TECPR1: variants seen among roughly 807,000 people sequenced by gnomAD.
TECPR1 encodes tectonin beta-propeller repeat-containing protein 1.
Under a neutral mutation model 162.4 loss-of-function variants are expected in TECPR1, and 122 were observed. The observed-to-expected ratio is 0.75, with a 90% CI of 0.65 to 0.87. TECPR1 has a LOEUF of 0.87. Ranked by LOEUF, TECPR1 falls within the 40% of genes least tolerant of loss-of-function variation. The pLI is 0.00. For synonymous variants in TECPR1, 642 were observed against 670.6 expected (o/e 0.96, Z 0.66); for missense variants, 1,432 against 1,618.2 (o/e 0.88, Z 1.97).
At chr7:98,238,466 C>G (rs1798655379) in intron 9 of TECPR1, 43 bp downstream of exon 9, 1 of 1,510,204 alleles carries the variant, frequency 6.6e-7, no homozygotes, top group Non-Finnish European at 9.0e-7. Flanking sequence ...AGCCCCCATT[C>G]TGAGACCCCT....
intron 7 of TECPR1, 33 bp from the exon 8 acceptor site, chr7:98,240,984 C>A (rs778425700): frequency 8.8e-6 from 14 of 1,590,822 alleles, no homozygotes; most frequent in Middle Eastern, 1.7e-4. Context: ...CCAGTGGCCC[C>A]CATCAGCCTG....
intron 2 of TECPR1, among the ~76,000 whole-genome samples, chr7:98,246,670 A>G (rs758987306): frequency 6.6e-5 from 10 of 150,754 alleles, no homozygotes; most frequent in Non-Finnish European, 1.3e-4. Flanking sequence ...GCTCACTGCA[A>G]CCTCCACCTC....
rs755286321 is a variant in TECPR1, at chr7:98,240,944, G to A, written c.840C>T (p.Ser280=). 1 of 1,606,566 alleles carries A rather than the reference G, an allele frequency of 6.2e-7. No individual in the cohort carries two copies. The highest frequency in any genetic ancestry group is 8.5e-7 in the Non-Finnish European group (1 of 1,177,706). ...GINRSNPKGS[S]WSIVEPPGSE... ...ATCCAGGAGGCTCCACGATGGACCA[G>A]GAACTTCCTACCGGGCCCCCAAGAA... is the stretch of plus-strand genomic sequence containing the variant. Residue 280 remains serine (S), a synonymous_variant, in exon 8 of 26, where the codon TCC becomes TCT. Coordinates refer to ENST00000447648, the MANE Select transcript of TECPR1 (RefSeq NM_015395.3).
At chr7:98,235,327 C>A (rs1432584384) in intron 10 of TECPR1, among the ~76,000 whole-genome samples, 1 of 152,038 alleles carries the variant, frequency 6.6e-6, no homozygotes, top group Non-Finnish European at 1.5e-5. Flanking sequence ...AGATCGAGAC[C>A]ATCCTGGCTA....
At chr7:98,243,658 T>C in intron 5 of TECPR1, 66 bp from the exon 6 acceptor site, 1 of 1,542,404 alleles carries the variant, frequency 6.5e-7, no homozygotes, top group Non-Finnish European at 8.8e-7. Context: ...TGCACCCACC[T>C]CCCGCCCGCC....
At position 98,241,181 on chromosome 7, in the gene TECPR1, T is replaced by G; in HGVS notation, c.721A>C (p.Thr241Pro). The change falls in exon 7 of 26, where the codon ACC becomes CCC. Residue 241 changes from threonine (T) to proline (P), a missense_variant. Physicochemically the swap from Thr to Pro is conservative, Grantham distance 38 (BLOSUM62 -1). Transcript: ENST00000447648. This position sits in a 1 kb window ranked among gnomAD's most constrained non-coding sequence, Gnocchi z 5.0. ...CTGATCTGAACCACCTCCCCGGGGG[T>G]GTCCAGCAGGGACCAGGAGGACCCT... Reference protein sequence around the residue: ...PEGSSWSLLDTPGEVVQISCG... With the variant: ...PEGSSWSLLDPPGEVVQISCG... The G allele has an allele frequency of 6.2e-7, 1 of 1,612,432 alleles. No individual in the cohort carries two copies. Among genetic ancestry groups the G allele is most frequent in the South Asian group, 1.1e-5 (1 of 91,064 alleles).
chr7:98,245,944 C>T lies in TECPR1; in HGVS notation c.203G>A (p.Arg68Gln), dbSNP rs200989334. Residue 68 changes from arginine to glutamine, a missense_variant, in exon 3 of 26, where the codon CGA becomes CAA. Transcript: ENST00000447648. ...VCASDVPIRR[R>Q]EEAYENQRWN... ...TACCTGATTCTCATAGGCCTCCTCT[C>T]GGCGGCGGATGGGGACATCGCTGGC... The T allele has an allele frequency of 1.6e-5, 25 of 1,603,120 alleles. No homozygotes were observed. The highest frequency in any genetic ancestry group is 5.1e-5 in the Admixed American group (3 of 58,602).
chr7:98,233,179 G>A, intron 11 of TECPR1: 1 of 782,662 alleles, frequency 1.3e-6, no homozygotes, highest in African/African-American at 1.8e-5. Context: ...CTAGCACAGG[G>A]GAGGGGCTGC....
intron 17 of TECPR1, chr7:98,226,817 C>A: frequency 2.6e-6 from 1 of 388,524 alleles, no homozygotes. Flanking sequence ...CCTGTAATCC[C>A]AACTACTCGG....
rs1797994056 is a variant in TECPR1, at chr7:98,215,845, C to G, written c.*1545G>C. 1 of 152,254 alleles carries G rather than the reference C, an allele frequency of 6.6e-6. No homozygotes were observed. The highest frequency in any genetic ancestry group is 2.4e-5 in the African/African-American group (1 of 41,462). 9.4% of individuals were successfully genotyped at this position (152,254 alleles called of 1,614,324 possible). ...AGCCGGCGGCACTGGGACCCATTTCCAGAAACACTGGAACACCAGGTCTCT... is the reference window on the plus strand; with the variant it reads ...AGCCGGCGGCACTGGGACCCATTTCGAGAAACACTGGAACACCAGGTCTCT... On this transcript the variant is annotated 3_prime_UTR_variant, in exon 26 of 26. Coordinates refer to ENST00000447648, the MANE Select transcript of TECPR1 (RefSeq NM_015395.3).
At chr7:98,245,625 C>T (rs1394787645) in intron 3 of TECPR1, among the ~76,000 whole-genome samples, 2 of 152,150 alleles carry the variant, frequency 1.3e-5, no homozygotes, top group African/African-American at 2.4e-5. Context: ...GTGCACACCA[C>T]CACACCCTGC....
At chr7:98,243,207 C>A (rs886995160) in intron 6 of TECPR1, among the ~76,000 whole-genome samples, 3 of 152,028 alleles carry the variant, frequency 2.0e-5, no homozygotes, top group African/African-American at 4.8e-5. Flanking sequence ...ACACACCCAC[C>A]CCCACACTAT....
At chr7:98,234,118 A>G (rs1193805140) in intron 10 of TECPR1, among the ~76,000 whole-genome samples, 3 of 152,214 alleles carry the variant, frequency 2.0e-5, no homozygotes, top group Non-Finnish European at 4.4e-5. Flanking sequence ...CTGCAGACCA[A>G]TCACATCCAC....
chr7:98,225,601 A>G (rs1404362281), intron 17 of TECPR1, among the ~76,000 whole-genome samples: 3 of 151,302 alleles, frequency 2.0e-5, no homozygotes, highest in Non-Finnish European at 2.9e-5. Context: ...ATAGAGGGGA[A>G]AAGACTTTCT....
Position 98,241,627 on chromosome 7 carries a change from G to A in TECPR1, c.658-383C>T, listed in dbSNP as rs2116612563. Among the ~76,000 whole-genome samples the A allele has an allele frequency of 6.6e-6, 1 of 152,308 alleles. No homozygotes were observed. Among genetic ancestry groups the A allele is most frequent in the South Asian group, 2.1e-4 (1 of 4,834 alleles). On this transcript the variant is annotated intron_variant, in intron 6 of 25. Transcript: ENST00000447648. The surrounding 1 kb of genome is among the most constrained non-coding windows in gnomAD (Gnocchi z 5.0). ...CTCCCATTCATAAACTATCTAAGAC[G>A]TCAGTTCTTTTTTCCTTCACTGAAT...
In TECPR1 at chr7:98,228,009, C is replaced by T. The variant is rs776095204; in HGVS notation, c.2513+5G>A. On this transcript the variant is annotated splice_donor_5th_base_variant and intron_variant, in intron 17 of 25. Transcript: ENST00000447648. ...GCATCCTGGCCGGGCACCTGTGCCA[C>T]TTACCTGCTGGTGTAGCCTGTGACG... The T allele has an allele frequency of 4.3e-6, 7 of 1,610,330 alleles. No individual in the cohort carries two copies. In the African/African-American group the frequency reaches 8.0e-5, roughly 18 times the overall value.
chr7:98,224,367 T>C (rs1163468929), intron 19 of TECPR1, among the ~76,000 whole-genome samples: 1 of 152,154 alleles, frequency 6.6e-6, no homozygotes, highest in African/African-American at 2.4e-5. Context: ...TCACCTAACA[T>C]CTCGTGTTGG....
At chr7:98,220,259 G>A (rs1798109503) in intron 23 of TECPR1, among the ~76,000 whole-genome samples, 2 of 151,786 alleles carry the variant, frequency 1.3e-5, no homozygotes, top group South Asian at 2.1e-4. Context: ...CAGAAGAATC[G>A]CTTGAACCTG....
rs560951628 is a variant in TECPR1 at position 98,235,339 on chromosome 7, C to A, written c.1182-1428G>T. ...AGGAGATCGAGACCATCCTGGCTAACACGGTGAAACCTGATCTCTACTAAA... is the reference window on the plus strand; with the variant it reads ...AGGAGATCGAGACCATCCTGGCTAAAACGGTGAAACCTGATCTCTACTAAA... On this transcript the variant is annotated intron_variant, in intron 10 of 25. Coordinates refer to ENST00000447648, the MANE Select transcript of TECPR1 (RefSeq NM_015395.3). Among the ~76,000 whole-genome samples the A allele has an allele frequency of 3.3e-5, 5 of 151,894 alleles. No individual in the cohort carries two copies. In the South Asian group the frequency reaches 8.3e-4, roughly 25 times the overall value.
Sources: allele counts gnomAD v4.1 joint callset (sites outside exome capture counted in the v4.1 genomes callset), GRCh38; gene constraint gnomAD v4.1.1; non-coding constraint Gnocchi (gnomAD v3.1); transcripts MANE v1.5; gene names NCBI Gene and HGNC (gene_info 2026-07-23, HGNC 2026-07-21).